ECPAS: variants seen among roughly 807,000 people sequenced by gnomAD.
ECPAS encodes Ecm29 proteasome adaptor and scaffold.
A neutral mutation model predicts 255.1 loss-of-function variants in ECPAS; 70 were observed. The observed-to-expected ratio is 0.27, with a 90% confidence interval of 0.23 to 0.33. ECPAS has a LOEUF of 0.33. Ranked by LOEUF, ECPAS falls within the 10% of genes least tolerant of loss-of-function variation. The pLI is 1.00. For missense variants in ECPAS, 1,817 were observed against 2,206.4 expected, an observed-to-expected ratio of 0.82 and a Z score of 3.54; for synonymous variants, 784 against 775.0, an observed-to-expected ratio of 1.01 and a Z score of -0.19.
At chr9:111,398,548 C>T (rs1236590605) in intron 24 of ECPAS, among the ~76,000 whole-genome samples, 1 of 151,898 alleles carries the variant, frequency 6.6e-6, no homozygotes, top group Admixed American at 6.6e-5. Flanking sequence ...TTGAAATTTC[C>T]TATAATAAAA....
intron 5 of ECPAS, 135 bp from the exon 6 acceptor site, chr9:111,440,656 AT>A: frequency 1.6e-6 from 1 of 630,698 alleles, no homozygotes; most frequent in Non-Finnish European, 2.7e-6. Flanking sequence ...AACACTACTA[AT>A]TTACAAAGTC....
chr9:111,470,800 G>A (rs1240427744), intron 2 of ECPAS, among the ~76,000 whole-genome samples: 2 of 133,046 alleles, frequency 1.5e-5, no homozygotes, highest in Admixed American at 7.7e-5. Context: ...AGGAAGGGGA[G>A]GAAATCATAG....
rs779779284 is a variant in ECPAS at position 111,442,364 on chromosome 9, C to G, written c.331G>C (p.Glu111Gln). Residue 111 changes from glutamate (E) to glutamine (Q), a missense_variant, in exon 5 of 50, where the codon GAA (glutamate) becomes CAA (glutamine). This residue lies in a region of ECPAS where 90 missense variants were observed against 158.5 expected (regional missense o/e 0.57). Transcript: ENST00000684092. ...GCAGTAAGAAGCGTAGGGGCCAGTT[C>G]ACATTGTTTTTCCACTGGTAGGCGA... is the stretch of plus-strand genomic sequence containing the variant. ...YPRLPVEKQCELAPTLLTAME... is the reference protein window; with the variant it reads ...YPRLPVEKQCQLAPTLLTAME... 5 of 1,613,166 alleles carry G rather than the reference C, an allele frequency of 3.1e-6. No individual in the cohort carries two copies. In the East Asian group the frequency reaches 1.1e-4, roughly 36 times the overall value.
In ECPAS at chr9:111,462,463, T is replaced by C. The variant is rs72748009; in HGVS notation, c.22+10434A>G. On this transcript the variant is annotated intron_variant, in intron 2 of 49. Coordinates refer to ENST00000684092, the MANE Select transcript of ECPAS (RefSeq NM_001364929.1). ...AGTAGGAGATACTAAAAACTGTCAG[T>C]ATTCACAGATTACATGATATTTATG... Among the ~76,000 whole-genome samples the C allele has an allele frequency of 6.9e-3, 1,046 of 152,260 alleles. 4 individuals carry two copies. Among genetic ancestry groups the C allele is most frequent in the Middle Eastern group, 0.014 (4 of 294 alleles).
At chr9:111,446,357 T>C (rs1327771198) in intron 3 of ECPAS, among the ~76,000 whole-genome samples, 1 of 152,162 alleles carries the variant, frequency 6.6e-6, no homozygotes, top group Non-Finnish European at 1.5e-5. Context: ...GAAATAAGAT[T>C]TTTAGAAGGC....
At position 111,389,125 on chromosome 9, in the gene ECPAS, T is replaced by G. The variant is rs192000204; in HGVS notation, c.3447+431A>C. Among the ~76,000 whole-genome samples, 247 of 152,260 alleles carry G rather than the reference T, an allele frequency of 1.6e-3. 1 individual carries two copies. The highest frequency in any genetic ancestry group is 5.8e-3 in the African/African-American group (241 of 41,562). ...CCTGAGAAATCTTAATATCTAAAAG[T>G]GGGACAGAACATGATTAACAGCCAG... On this transcript the variant is annotated intron_variant, in intron 31 of 49. Coordinates refer to ENST00000684092, the MANE Select transcript of ECPAS (RefSeq NM_001364929.1).
intron 35 of ECPAS, 124 bp downstream of exon 35, chr9:111,383,087 A>G (rs1341491314): frequency 8.5e-7 from 1 of 1,178,370 alleles, no homozygotes; most frequent in Non-Finnish European, 1.2e-6. Context: ...AGTTTTCACA[A>G]ATGACCCAAG....
intron 7 of ECPAS, among the ~76,000 whole-genome samples, chr9:111,436,488 T>C (rs1414615918): frequency 1.3e-5 from 2 of 152,180 alleles, no homozygotes; most frequent in African/African-American, 2.4e-5. Context: ...TTTCCCCACA[T>C]TGTCACCTGT....
At position 111,442,390 on chromosome 9, in the gene ECPAS, G is replaced by C; in HGVS notation, c.305C>G (p.Pro102Arg). Residue 102 changes from proline to arginine, a missense_variant, in exon 5 of 50, where the codon CCT becomes CGT. Transcript: ENST00000684092. ...ACATTGTTTTTCCACTGGTAGGCGA[G>C]GATAGCCCATTTTAACATAAATTAT... ...FTIIYVKMGY[P>R]RLPVEKQCEL... 6.2e-7 allele frequency: 1 copy of C among 1,611,660 alleles called. No homozygotes were observed. The highest frequency in any genetic ancestry group is 8.5e-7 in the Non-Finnish European group (1 of 1,178,602).
chr9:111,468,675 T>C (rs2098282480), intron 2 of ECPAS, among the ~76,000 whole-genome samples: 1 of 151,650 alleles, frequency 6.6e-6, no homozygotes, highest in African/African-American at 2.4e-5. Context: ...GTGTGTTTCA[T>C]GTCCAAGCTC....
At chr9:111,379,566 C>T (rs1432782972) in intron 35 of ECPAS, among the ~76,000 whole-genome samples, 6 of 152,140 alleles carry the variant, frequency 3.9e-5, no homozygotes, top group East Asian at 1.9e-4. Flanking sequence ...CAATGAAGTT[C>T]GCTGCATCAA....
intron 24 of ECPAS, among the ~76,000 whole-genome samples, chr9:111,407,420 A>G (rs1165209772): frequency 1.6e-5 from 2 of 127,774 alleles, no homozygotes; most frequent in African/African-American, 3.6e-5. Context: ...AAAAAAAAAA[A>G]AAAAAAAAAA....
chr9:111,372,519 A>G lies in ECPAS; in HGVS notation c.4438T>C (p.Phe1480Leu). 6.2e-7 allele frequency: 1 copy of G among 1,613,844 alleles called. No homozygotes were observed. Among genetic ancestry groups the G allele is most frequent in the Non-Finnish European group, 8.5e-7 (1 of 1,179,782 alleles). ...NHAKEVLPLA[F>L]LGMHEIADEE... ...TCAGCAATTTCATGCATGCCTAAAA[A>G]TGCCAGAGGCAGGACTTCTTTTGCA... The change falls in exon 42 of 50, where the codon TTT becomes CTT. Residue 1480 changes from phenylalanine (F) to leucine (L), a missense_variant. By Grantham distance (22) the Phe-to-Leu change is conservative. Around this residue, in one of 4 missense-constraint regions of ECPAS, gnomAD observed 960 missense variants for 1,179.0 expected, o/e 0.81. Transcript: ENST00000684092.
intron 3 of ECPAS, among the ~76,000 whole-genome samples, chr9:111,448,576 T>A (rs1361143191): frequency 6.6e-6 from 1 of 152,204 alleles, no homozygotes; most frequent in Non-Finnish European, 1.5e-5. Flanking sequence ...CAACTTATAA[T>A]AGGACTGGAA....
intron 7 of ECPAS, among the ~76,000 whole-genome samples, chr9:111,436,197 A>C (rs1034880412): frequency 1.2e-4 from 18 of 150,900 alleles, no homozygotes; most frequent in African/African-American, 1.5e-4. Context: ...TACATTTCCC[A>C]AAAAAAAAGG....
chr9:111,459,787 TACC>T (rs2098271062), intron 2 of ECPAS, among the ~76,000 whole-genome samples: 1 of 152,140 alleles, frequency 6.6e-6, no homozygotes, highest in South Asian at 2.1e-4. Flanking sequence ...CATTCTAAAT[TACC>T]ACAAATATGA....
In ECPAS at chr9:111,374,110, G is replaced by A. The variant is rs1465241611; in HGVS notation, c.4111-72C>T. 3.3e-6 allele frequency: 4 copies of A among 1,212,744 alleles called. No homozygotes were observed. In the East Asian group the frequency reaches 7.0e-5, roughly 21 times the overall value. 75.1% of individuals were successfully genotyped at this position (1,212,744 alleles called of 1,614,324 possible). ...TCTACCTACCAAACCATTGGCTTAG[G>A]TGCCAAAAATTTAAACATATAAAAT... On this transcript the variant is annotated intron_variant, in intron 38 of 49. Coordinates refer to ENST00000684092, the MANE Select transcript of ECPAS (RefSeq NM_001364929.1).
At position 111,412,137 on chromosome 9, in the gene ECPAS, A is replaced by AT; in HGVS notation, c.2090dup (p.Asn697LysfsTer2). 6.3e-7 allele frequency: 1 copy of AT among 1,582,786 alleles called. No individual in the cohort carries two copies. Among genetic ancestry groups the AT allele is most frequent in the Non-Finnish European group, 8.5e-7 (1 of 1,170,784 alleles). On this transcript the variant is annotated frameshift_variant, in exon 21 of 50. Transcript: ENST00000684092. LOFTEE classifies it high-confidence loss of function. ...GTTCGCGCATTTCTTCTTTACTGTT[A>AT]TTCATCAGACTCTGAGCAGTATAAA...
chr9:111,452,439 A>G (rs1004189522), intron 2 of ECPAS, among the ~76,000 whole-genome samples: 2 of 152,218 alleles, frequency 1.3e-5, no homozygotes, highest in Admixed American at 6.5e-5. Context: ...TTTAAAATAT[A>G]TATTTAAAGG....
Sources: allele counts gnomAD v4.1 joint callset (sites outside exome capture counted in the v4.1 genomes callset), GRCh38; gene constraint gnomAD v4.1.1; regional missense constraint gnomAD v4.1.1; transcripts MANE v1.5; gene names NCBI Gene and HGNC (gene_info 2026-07-23, HGNC 2026-07-21).